The following REDIC1 variants were observed in gnomAD, a reference collection of about 807,000 sequenced individuals.
REDIC1 encodes regulator of DNA class I crossover intermediates 1.
chr12:39,664,296 A>G, the REDIC1 span, among the ~76,000 whole-genome samples: 2,630 of 143,326 alleles, frequency 0.018, 75 homozygotes, highest in African/African-American at 0.064. Flanking sequence ...TCATTGTTCA[A>G]TTCCCACCTA....
At chr12:39,711,855 GTA>G in the REDIC1 span, among the ~76,000 whole-genome samples, 2 of 75,886 alleles carry the variant, frequency 2.6e-5, no homozygotes, top group African/African-American at 6.0e-5. Flanking sequence ...ACATGCATGT[GTA>G]TGTGTATACA....
At chr12:39,703,779 A>G in the REDIC1 span, among the ~76,000 whole-genome samples, 417 of 152,272 alleles carry the variant, frequency 2.7e-3, 1 homozygote, top group African/African-American at 9.6e-3. Context: ...AACGCCACAT[A>G]TCTACAACTA....
chr12:39,728,424 A>C, the REDIC1 span, among the ~76,000 whole-genome samples: 120,548 of 152,016 alleles, frequency 0.79, 48,512 homozygotes, highest in Non-Finnish European at 0.87. Flanking sequence ...GACATTGATC[A>C]TGTTTATGTG....
chr12:39,785,090 C>G, the REDIC1 span, among the ~76,000 whole-genome samples: 3 of 152,166 alleles, frequency 2.0e-5, no homozygotes, highest in Non-Finnish European at 2.9e-5. Context: ...CAGAAATTTG[C>G]ATAAGTAGCA....
At chr12:39,651,088 A>G in the REDIC1 span, among the ~76,000 whole-genome samples, 2 of 152,148 alleles carry the variant, frequency 1.3e-5, no homozygotes, top group African/African-American at 4.8e-5. Flanking sequence ...CAAACCCTAT[A>G]TATGCTATGT....
At chr12:39,709,918 C>A in the REDIC1 span, among the ~76,000 whole-genome samples, 1 of 151,700 alleles carries the variant, frequency 6.6e-6, no homozygotes, top group East Asian at 1.9e-4. Flanking sequence ...GTAGTTGCTG[C>A]ACCATTTTAT....
At chr12:39,705,268 A>C in the REDIC1 span, among the ~76,000 whole-genome samples, 3 of 152,044 alleles carry the variant, frequency 2.0e-5, no homozygotes, top group African/African-American at 7.2e-5. Flanking sequence ...ACCATGAAGA[A>C]ATCCAAAACC....
the REDIC1 span, among the ~76,000 whole-genome samples, chr12:39,729,970 T>C: frequency 1.3e-5 from 2 of 152,222 alleles, no homozygotes; most frequent in Admixed American, 6.5e-5. Context: ...TATCAGAGAC[T>C]AGGATTGCAG....
chr12:39,864,824 G>A, the REDIC1 span: 12 of 1,613,838 alleles, frequency 7.4e-6, no homozygotes, highest in South Asian at 1.3e-4. Context: ...TGATGCGTGG[G>A]GAAACTTGGG....
chr12:39,670,839 C>T, the REDIC1 span, among the ~76,000 whole-genome samples: 1 of 151,264 alleles, frequency 6.6e-6, no homozygotes, highest in Non-Finnish European at 1.5e-5. Context: ...ATTGATGCTC[C>T]TGATTGTATT....
chr12:39,776,297 G>A, the REDIC1 span, among the ~76,000 whole-genome samples: 1 of 151,850 alleles, frequency 6.6e-6, no homozygotes, highest in African/African-American at 2.4e-5. Flanking sequence ...TAGGAGCTGT[G>A]GGGCCCACCT....
At chr12:39,753,788 T>TGGAAAGCAAG in the REDIC1 span, among the ~76,000 whole-genome samples, 1 of 152,182 alleles carries the variant, frequency 6.6e-6, no homozygotes, top group Non-Finnish European at 1.5e-5. Context: ...CCATGATTCA[T>TGGAAAGCAAG]TGATAACCTT....
At chr12:39,633,471 A>G in the REDIC1 span, among the ~76,000 whole-genome samples, 1 of 152,150 alleles carries the variant, frequency 6.6e-6, no homozygotes, top group African/African-American at 2.4e-5. Flanking sequence ...GCTGTTCTAA[A>G]ATTAACTATT....
the REDIC1 span, among the ~76,000 whole-genome samples, chr12:39,742,190 C>T: frequency 6.6e-6 from 1 of 152,060 alleles, no homozygotes; most frequent in Non-Finnish European, 1.5e-5. Flanking sequence ...GATTGTATTT[C>T]TAGTTTACAG....
chr12:39,837,009 C>A, the REDIC1 span, among the ~76,000 whole-genome samples: 1 of 39,312 alleles, frequency 2.5e-5, no homozygotes, highest in African/African-American at 1.3e-4. Flanking sequence ...CATATGGAAC[C>A]AAAAAAGAGC....
At chr12:39,702,959 A>G in the REDIC1 span, among the ~76,000 whole-genome samples, 1 of 152,204 alleles carries the variant, frequency 6.6e-6, no homozygotes, top group East Asian at 1.9e-4. Context: ...TATCTATGAC[A>G]AACCCACAGC....
the REDIC1 span, among the ~76,000 whole-genome samples, chr12:39,767,222 A>G: frequency 9.2e-5 from 14 of 152,050 alleles, no homozygotes; most frequent in Non-Finnish European, 1.8e-4. Flanking sequence ...TATGAAAACA[A>G]CATTCATCTT....
At chr12:39,715,271 C>T in the REDIC1 span, among the ~76,000 whole-genome samples, 1 of 151,870 alleles carries the variant, frequency 6.6e-6, no homozygotes, top group Non-Finnish European at 1.5e-5. Context: ...GTTTCATTCT[C>T]CTGTATGTGG....
chr12:39,713,255 TACGTGTATATATGTGTACAC>T, the REDIC1 span, among the ~76,000 whole-genome samples: 155 of 91,316 alleles, frequency 1.7e-3, 16 homozygotes, highest in Middle Eastern at 0.013. Context: ...TACACACACA[TACGTGTATATATGTGTACAC>T]ACACATACGT....
Sources: allele counts gnomAD v4.1 joint callset (sites outside exome capture counted in the v4.1 genomes callset), GRCh38; gene constraint gnomAD v4.1.1; transcripts MANE v1.5; gene names NCBI Gene and HGNC (gene_info 2026-07-23, HGNC 2026-07-21).